The following SUPT5H variants were observed in gnomAD, a reference collection of about 807,000 sequenced individuals.
The protein encoded by SUPT5H is transcription elongation factor SPT5.
A neutral mutation model predicts 142.5 loss-of-function variants in SUPT5H; 24 were observed. That is an observed-to-expected ratio of 0.17 (90% CI 0.12 to 0.24). The LOEUF (loss-of-function observed/expected upper bound fraction) is 0.24, where lower values mean the gene tolerates loss of function less well. Among genes scored for constraint, SUPT5H ranks in the 10% least tolerant of loss-of-function variants. The probability of loss-of-function intolerance (pLI) is 1.00; values close to 1 mark genes in which losing one functional copy is unlikely to be tolerated. For missense variants in SUPT5H, 893 were observed against 1,471.8 expected (o/e 0.61, Z 6.43); for synonymous variants, 546 against 553.0 (o/e 0.99, Z 0.18).
At chr19:39,471,567 G>T (rs759531514) in intron 19 of SUPT5H, 38 bp from the exon 20 acceptor site, 3 of 1,613,928 alleles carry the variant, frequency 1.9e-6, no homozygotes, top group South Asian at 1.1e-5. Flanking sequence ...GGGTGAGGGG[G>T]ACATGGTCAA....
In SUPT5H at chr19:39,459,388, C is replaced by T. The variant is rs1447530247; in HGVS notation, c.524+139C>T. On this transcript the variant is annotated intron_variant, in intron 8 of 29. Coordinates refer to ENST00000432763, the MANE Select transcript of SUPT5H (RefSeq NM_001111020.3). Reference sequence around the variant, plus strand: ...TGGTGGATGGCAGGGGTAGGGAGGGCAAGGTGGCACTTTCTCTTTCCTCTT... The same window carrying T: ...TGGTGGATGGCAGGGGTAGGGAGGGTAAGGTGGCACTTTCTCTTTCCTCTT... 3.0e-6 allele frequency: 4 copies of T among 1,330,586 alleles called. No individual in the cohort carries two copies. In the East Asian group the frequency reaches 9.5e-5, roughly 31 times the overall value. 82.4% of individuals were successfully genotyped at this position (1,330,586 alleles called of 1,614,324 possible).
In SUPT5H at chr19:39,470,542, G is replaced by A. The variant is rs1016123102; in HGVS notation, c.1677+19G>A. ...CTTCCAGGTGTGTGTGTTGTGCTCT[G>A]TGGCGGGGACTTGCTTTTAGGAGGC... On this transcript the variant is annotated intron_variant, in intron 18 of 29. Coordinates refer to ENST00000432763, the MANE Select transcript of SUPT5H (RefSeq NM_001111020.3). This position sits in a 1 kb window ranked among gnomAD's most constrained non-coding sequence, Gnocchi z 5.8. 2.0e-6 allele frequency: 3 copies of A among 1,505,986 alleles called. No individual in the cohort carries two copies. The Middle Eastern group carries it at 5.4e-4, about 271-fold the overall frequency. 93.3% of individuals were successfully genotyped at this position (1,505,986 alleles called of 1,614,324 possible).
At position 39,458,851 on chromosome 19, in the gene SUPT5H, A is replaced by T; in HGVS notation, c.353A>T (p.Asp118Val). 1 of 1,613,598 alleles carries T rather than the reference A, an allele frequency of 6.2e-7. No homozygotes were observed. Among genetic ancestry groups the T allele is most frequent in the Non-Finnish European group, 8.5e-7 (1 of 1,179,690 alleles). Residue 118 changes from aspartate (D) to valine (V), a missense_variant, in exon 6 of 30, where the codon GAT (aspartate) becomes GTT (valine). Asp to Val is a radical substitution (Grantham distance 152, BLOSUM62 -3). Transcript: ENST00000432763. The surrounding 1 kb of genome is among the most constrained non-coding windows in gnomAD (Gnocchi z 4.2). ...ATCGATAATGTTGTCCTGGATGAAGATCGTTCTGGGGCTCGCCGCCTGCAA... is the reference window on the plus strand; with the variant it reads ...ATCGATAATGTTGTCCTGGATGAAGTTCGTTCTGGGGCTCGCCGCCTGCAA... Reference protein sequence around the residue: ...SNIDNVVLDEDRSGARRLQNL... With the variant: ...SNIDNVVLDEVRSGARRLQNL...
chr19:39,453,218 G>A, intron 2 of SUPT5H, 138 bp from the exon 3 acceptor site: 2 of 1,002,072 alleles, frequency 2.0e-6, no homozygotes, highest in South Asian at 4.9e-5. Context: ...CCAGGCTAGA[G>A]TGAAAGGGAT....
Position 39,475,816 on chromosome 19 carries a change from A to G in SUPT5H, c.3025-265A>G, listed in dbSNP as rs1482343896. On this transcript the variant is annotated intron_variant, in intron 28 of 29. Coordinates refer to ENST00000432763, the MANE Select transcript of SUPT5H (RefSeq NM_001111020.3). The stretch of plus-strand genomic sequence containing the variant: ...CAGGTGTGGGGAAGACGCTGAGGCC[A>G]GTTTGGGACATGAAGAGTCAAGAAG... 4.0e-5 allele frequency: 19 copies of G among 480,908 alleles called. 1 individual carries two copies. Among genetic ancestry groups the G allele is most frequent in the South Asian group, 3.7e-4 (14 of 38,120 alleles). The allele number at this position is 480,908 out of a possible 1,614,324, so 29.8% of individuals were successfully genotyped here. A position where few individuals can be genotyped will look rare whatever the true frequency, so the allele number is the denominator to read the frequency against.
At position 39,458,137 on chromosome 19, in the gene SUPT5H, T is replaced by C. The variant is rs932615901; in HGVS notation, c.308-157T>C. 13 of 1,306,870 alleles carry C rather than the reference T, an allele frequency of 9.9e-6. No individual in the cohort carries two copies. In the South Asian group the frequency reaches 1.3e-4, roughly 13 times the overall value. 81.0% of individuals were successfully genotyped at this position (1,306,870 alleles called of 1,614,324 possible). ...CCACCTGGTGCCTGGCCTTTACTTT[T>C]GGTTTTCAACCTTTCTGTGTCCCTC... On this transcript the variant is annotated intron_variant, in intron 4 of 29. Transcript: ENST00000432763. This position sits in a 1 kb window ranked among gnomAD's most constrained non-coding sequence, Gnocchi z 4.2.
At chr19:39,475,698 G>C (rs965915905) in intron 28 of SUPT5H, among the ~76,000 whole-genome samples, 9 of 152,184 alleles carry the variant, frequency 5.9e-5, no homozygotes, top group Non-Finnish European at 1.3e-4. Context: ...CTAGGGGCTT[G>C]TTGGTGAGGG....
intron 4 of SUPT5H, 140 bp downstream of exon 4, chr19:39,457,880 A>G (rs747140938): frequency 8.2e-5 from 116 of 1,408,108 alleles, no homozygotes; most frequent in Non-Finnish European, 1.1e-4. Context: ...TGTCCTTCCC[A>G]GAGAGACCAG....
chr19:39,471,542 A>ATGC, intron 19 of SUPT5H, 39 bp downstream of exon 19: 1 of 1,613,764 alleles, frequency 6.2e-7, no homozygotes, highest in African/African-American at 1.3e-5. Context: ...CATCTGAAAG[A>ATGC]ATTTGGTTGG....
At position 39,476,656 on chromosome 19, in the gene SUPT5H, CTGTT is replaced by C. The variant is rs901708739; in HGVS notation, c.*260_*263del. On this transcript the variant is annotated 3_prime_UTR_variant, in exon 30 of 30. Transcript: ENST00000432763. Reference sequence around the variant, plus strand: ...TGTACCGTCTTTCAATAAAAAGAAGCTGTTTGGTCTAAAAGTGCGTGTGTGTGTG... The same window carrying C: ...TGTACCGTCTTTCAATAAAAAGAAGCTGGTCTAAAAGTGCGTGTGTGTGTG... 1.6e-5 allele frequency: 8 copies of C among 511,162 alleles called. No individual in the cohort carries two copies. The highest frequency in any genetic ancestry group is 1.4e-5 in the Non-Finnish European group (4 of 284,426). The allele number at this position is 511,162 out of a possible 1,614,324, so 31.7% of individuals were successfully genotyped here. A position where few individuals can be genotyped will look rare whatever the true frequency, so the allele number is the denominator to read the frequency against.
At chr19:39,463,484 G>A (rs967109405) in intron 10 of SUPT5H, among the ~76,000 whole-genome samples, 4 of 152,092 alleles carry the variant, frequency 2.6e-5, no homozygotes, top group Non-Finnish European at 4.4e-5. Flanking sequence ...TATGATTTTA[G>A]TTCTTTTATG....
In SUPT5H at chr19:39,472,566, C is replaced by T; in HGVS notation, c.2035+73C>T. On this transcript the variant is annotated intron_variant, in intron 21 of 29. Transcript: ENST00000432763. This position sits in a 1 kb window ranked among gnomAD's most constrained non-coding sequence, Gnocchi z 4.2. ...AAGGAACTTGGTTGTTCAGCCTACA[C>T]TCACTGAGTGCCTGTGCTGGGCTGG... is the stretch of plus-strand genomic sequence containing the variant. 1.3e-6 allele frequency: 2 copies of T among 1,541,122 alleles called. No individual in the cohort carries two copies. The highest frequency in any genetic ancestry group is 1.8e-6 in the Non-Finnish European group (2 of 1,119,534).
At chr19:39,453,580 T>C (rs537400796) in intron 3 of SUPT5H, 59 bp downstream of exon 3, 1 of 1,430,618 alleles carries the variant, frequency 7.0e-7, no homozygotes. Flanking sequence ...TTTAGTTCCA[T>C]TTCTTTTTCT....
intron 2 of SUPT5H, among the ~76,000 whole-genome samples, chr19:39,452,497 G>A (rs1239438472): frequency 6.6e-6 from 1 of 152,182 alleles, no homozygotes; most frequent in Non-Finnish European, 1.5e-5. Context: ...GCATGATACG[G>A]CAGAAGCCAA....
At position 39,458,656 on chromosome 19, in the gene SUPT5H, A is replaced by C; in HGVS notation, c.320-162A>C. 1.4e-6 allele frequency: 1 copy of C among 738,632 alleles called. No individual in the cohort carries two copies. 45.8% of individuals were successfully genotyped at this position (738,632 alleles called of 1,614,324 possible). A position where few individuals can be genotyped will look rare whatever the true frequency, so the allele number is the denominator to read the frequency against. On this transcript the variant is annotated intron_variant, in intron 5 of 29. Coordinates refer to ENST00000432763, the MANE Select transcript of SUPT5H (RefSeq NM_001111020.3). This position sits in a 1 kb window ranked among gnomAD's most constrained non-coding sequence, Gnocchi z 4.2. Reference sequence around the variant, plus strand: ...CTTTTTGACAAGAAGCAGGATGCTGAGTAGGACAGAGTAGGGGATGAGGGG... The same window carrying C: ...CTTTTTGACAAGAAGCAGGATGCTGCGTAGGACAGAGTAGGGGATGAGGGG...
intron 10 of SUPT5H, chr19:39,460,161 A>C (rs905165624): frequency 1.7e-6 from 1 of 588,960 alleles, no homozygotes; most frequent in African/African-American, 1.9e-5. Flanking sequence ...TGTTCTCTGC[A>C]TTTATGGCAG....
At chr19:39,455,815 G>T (rs1330422669) in intron 3 of SUPT5H, among the ~76,000 whole-genome samples, 1 of 150,638 alleles carries the variant, frequency 6.6e-6, no homozygotes, top group Non-Finnish European at 1.5e-5. Context: ...TAGAGACAGG[G>T]TTTCACCATG....
rs1327312861 is a variant in SUPT5H, at chr19:39,474,941, A to G, written c.3024+223A>G. On this transcript the variant is annotated intron_variant, in intron 28 of 29. Coordinates refer to ENST00000432763, the MANE Select transcript of SUPT5H (RefSeq NM_001111020.3). The surrounding 1 kb of genome is among the most constrained non-coding windows in gnomAD (Gnocchi z 6.5). ...TGGGGAAGGAGAAATCTGAGCCAAG[A>G]CCTGACAAATGAATAGGAGTAAGCT... The G allele has an allele frequency of 5.0e-6, 3 of 601,458 alleles. No homozygotes were observed. In the African/African-American group the frequency reaches 5.6e-5, roughly 11 times the overall value. The allele number at this position is 601,458 out of a possible 1,614,324, so 37.3% of individuals were successfully genotyped here.
At position 39,473,409 on chromosome 19, in the gene SUPT5H, A is replaced by G; in HGVS notation, c.2387-7A>G. 1 of 1,613,132 alleles carries G rather than the reference A, an allele frequency of 6.2e-7. No homozygotes were observed. The highest frequency in any genetic ancestry group is 8.5e-7 in the Non-Finnish European group (1 of 1,179,716). On this transcript the variant is annotated splice_region_variant and splice_polypyrimidine_tract_variant and intron_variant, in intron 24 of 29. Transcript: ENST00000432763. This position sits in a 1 kb window ranked among gnomAD's most constrained non-coding sequence, Gnocchi z 5.8. ...CAGGACAGACACACTCATTTCCCCC[A>G]TTCCAGGTAGCCGCACCCCACACTA...
Sources: gnomAD v4.1 joint callset for allele counts (sites outside exome capture counted in the v4.1 genomes callset) on GRCh38, gnomAD v4.1.1 for gene constraint, Gnocchi (gnomAD v3.1) non-coding constraint, MANE v1.5 for transcripts, NCBI Gene and HGNC (gene_info 2026-07-23, HGNC 2026-07-21) for gene names.